CALR3: variants seen among roughly 807,000 people sequenced by gnomAD.
CALR3 encodes the protein calreticulin-3.
Under a neutral mutation model 48.7 loss-of-function variants are expected in CALR3, and 39 were observed. The ratio of observed to expected loss-of-function variants is 0.80; its 90% CI spans 0.62 to 1.05. The LOEUF (loss-of-function observed/expected upper bound fraction) is 1.05, where lower values mean the gene tolerates loss of function less well. Among genes scored for constraint, CALR3 ranks in the 50% least tolerant of loss-of-function variants. The pLI is 0.00. For missense variants in CALR3, 449 were observed against 474.7 expected (o/e 0.95, Z 0.50); for synonymous variants, 185 against 172.7 (o/e 1.07, Z -0.56).
intron 2 of CALR3, among the ~76,000 whole-genome samples, chr19:16,492,396 C>T (rs780388089): frequency 3.3e-5 from 5 of 152,066 alleles, no homozygotes; most frequent in Admixed American, 1.3e-4. Flanking sequence ...ATGGAGGAGC[C>T]ATTGCACCCC....
intron 2 of CALR3, among the ~76,000 whole-genome samples, chr19:16,492,817 G>A (rs553003161): frequency 7.4e-5 from 11 of 149,464 alleles, no homozygotes; most frequent in Non-Finnish European, 3.0e-5. Context: ...AGCCGAGATC[G>A]CGCCACTGCA....
Position 16,485,252 on chromosome 19 carries a change from C to T in CALR3, c.403G>A (p.Asp135Asn), listed in dbSNP as rs143932873. The change falls in exon 4 of 9, where the codon GAT (aspartate) becomes AAT (asparagine). Residue 135 changes from aspartate to asparagine, a missense_variant. By Grantham distance (23) the Asp-to-Asn change is conservative. Coordinates refer to ENST00000269881, the MANE Select transcript of CALR3 (RefSeq NM_145046.5). ...TTCTTGATATCAAATCCACAAATAT[C>T]GGGTCCTACAAAAAAGATTAGCTGC... The part of the protein sequence containing the change: ...KSQYYIMFGP[D>N]ICGFDIKKVH... The T allele has an allele frequency of 2.5e-4, 407 of 1,598,358 alleles. No individual in the cohort carries two copies. The highest frequency in any genetic ancestry group is 3.4e-4 in the Non-Finnish European group (391 of 1,166,436).
rs563932979 is a variant in CALR3, at chr19:16,482,978, C to T, written c.679-193G>A. 4.6e-5 allele frequency among the ~76,000 whole-genome samples: 7 copies of T among 151,878 alleles called. No individual in the cohort carries two copies. In the East Asian group the frequency reaches 1.2e-3, roughly 25 times the overall value. On this transcript the variant is annotated intron_variant, in intron 5 of 8. Transcript: ENST00000269881. Reference sequence around the variant, plus strand: ...TCCTGCCTCAGCCTCCCAAGTAGCTCGGACTACAGGCGCCCGCCATCATAC... The same window carrying T: ...TCCTGCCTCAGCCTCCCAAGTAGCTTGGACTACAGGCGCCCGCCATCATAC...
chr19:16,484,891 G>A (rs2093386847), intron 4 of CALR3, among the ~76,000 whole-genome samples: 1 of 152,108 alleles, frequency 6.6e-6, no homozygotes, highest in African/African-American at 2.4e-5. Flanking sequence ...AAATGTGACT[G>A]TACTATTGTA....
At chr19:16,486,552 G>A (rs952471746) in intron 3 of CALR3, among the ~76,000 whole-genome samples, 4 of 151,154 alleles carry the variant, frequency 2.6e-5, no homozygotes, top group African/African-American at 9.7e-5. Flanking sequence ...CCTGGGAGGC[G>A]GAGGTTGCAA....
rs200779567 is a variant in CALR3 at position 16,496,010 on chromosome 19, C to T, written c.91+29G>A. The stretch of plus-strand genomic sequence containing the variant: ...GGGGCGGAGATGGGGGAGCTTACAC[C>T]TCCGCCACCACGGGCGTGGCCCCTT... On this transcript the variant is annotated intron_variant, in intron 1 of 8. Coordinates refer to ENST00000269881, the MANE Select transcript of CALR3 (RefSeq NM_145046.5). 4,990 of 1,576,548 alleles carry T rather than the reference C, an allele frequency of 3.2e-3. 7 individuals are homozygous for T. The highest frequency in any genetic ancestry group is 4.0e-3 in the Non-Finnish European group (4,585 of 1,160,008).
intron 2 of CALR3, 43 bp from the exon 3 acceptor site, chr19:16,490,613 C>A: frequency 6.6e-7 from 1 of 1,525,858 alleles, no homozygotes; most frequent in Non-Finnish European, 9.1e-7. Flanking sequence ...AATGACGCTG[C>A]GCTAAGTAAC....
At chr19:16,481,987 A>G (rs1297489407) in intron 7 of CALR3, among the ~76,000 whole-genome samples, 1 of 145,296 alleles carries the variant, frequency 6.9e-6, no homozygotes, top group Non-Finnish European at 1.5e-5. Context: ...GCTCACTGCA[A>G]GCTCTGCCTC....
intron 3 of CALR3, 31 bp from the exon 4 acceptor site, chr19:16,485,288 T>C: frequency 7.2e-7 from 1 of 1,393,636 alleles, no homozygotes; most frequent in Non-Finnish European, 1.0e-6. Context: ...TCTCAATTTC[T>C]TTCCATAATG....
At chr19:16,480,805 T>A in intron 7 of CALR3, 99 bp from the exon 8 acceptor site, 1 of 957,180 alleles carries the variant, frequency 1.0e-6, no homozygotes, top group Non-Finnish European at 1.6e-6. Context: ...GAAGCTCAGG[T>A]GACATTTTTT....
chr19:16,493,670 C>T (rs2093401361), intron 2 of CALR3, among the ~76,000 whole-genome samples: 2 of 151,168 alleles, frequency 1.3e-5, no homozygotes, highest in East Asian at 3.9e-4. Flanking sequence ...CTGCCTCAAT[C>T]TCTCAAGTAG....
intron 2 of CALR3, among the ~76,000 whole-genome samples, chr19:16,494,006 T>A (rs1404351153): frequency 6.6e-6 from 1 of 152,158 alleles, no homozygotes; most frequent in Non-Finnish European, 1.5e-5. Flanking sequence ...AAAAGCTCAT[T>A]GTGTTGTACC....
chr19:16,491,351 T>C (rs1252122312), intron 2 of CALR3, among the ~76,000 whole-genome samples: 1 of 147,606 alleles, frequency 6.8e-6, no homozygotes, highest in Non-Finnish European at 1.5e-5. Context: ...CTCGATCCCC[T>C]GACCTCATGA....
chr19:16,486,511 T>C (rs1288678588), intron 3 of CALR3, among the ~76,000 whole-genome samples: 1 of 148,340 alleles, frequency 6.7e-6, no homozygotes, highest in Non-Finnish European at 1.5e-5. Context: ...TCCCAGCTAT[T>C]GGGGAGGCTG....
In CALR3 at chr19:16,480,001, G is replaced by C. The variant is rs564250460; in HGVS notation, c.1011+613C>G. ...AGGCAGATCATGAGGTCAAGAGAGC[G>C]AGACCATCCTGGCCAATATGGTGAA... is the stretch of plus-strand genomic sequence containing the variant. On this transcript the variant is annotated intron_variant, in intron 8 of 8. Coordinates refer to ENST00000269881, the MANE Select transcript of CALR3 (RefSeq NM_145046.5). Among the ~76,000 whole-genome samples the C allele has an allele frequency of 2.0e-5, 3 of 149,924 alleles. No homozygotes were observed. The East Asian group carries it at 6.1e-4, about 30-fold the overall frequency.
rs1599718255 is a variant in CALR3 at position 16,484,051 on chromosome 19, A to G, written c.557T>C (p.Ile186Thr). The G allele has an allele frequency of 6.2e-7, 1 of 1,613,844 alleles. No individual in the cohort carries two copies. Among genetic ancestry groups the G allele is most frequent in the Non-Finnish European group, 8.5e-7 (1 of 1,180,012 alleles). The change falls in exon 5 of 9, where the codon ATT becomes ACT. Residue 186 changes from isoleucine to threonine, a missense_variant. Ile to Thr is a moderately conservative substitution (Grantham distance 89). Coordinates refer to ENST00000269881, the MANE Select transcript of CALR3 (RefSeq NM_145046.5). ...GCCGGATTCAATTGACTGACCATCAATTTTCACATCATAAGAAAGATCTGG... is the reference window on the plus strand; with the variant it reads ...GCCGGATTCAATTGACTGACCATCAGTTTTCACATCATAAGAAAGATCTGG... ...LRPDLSYDVK[I>T]DGQSIESGSI...
At position 16,482,568 on chromosome 19, in the gene CALR3, G is replaced by T. The variant is rs750420703; in HGVS notation, c.800C>A (p.Pro267Gln). The part of the protein sequence containing the change: ...QKPPYQDGLK[P>Q]EGIHKDVWLH... Reference sequence around the variant, plus strand: ...CCAGACGTCTTTATGAATACCTTCTGGTTTCAGGCCATCCTGTATCAAAAA... The same window carrying T: ...CCAGACGTCTTTATGAATACCTTCTTGTTTCAGGCCATCCTGTATCAAAAA... The change falls in exon 7 of 9, where the codon CCA becomes CAA. Residue 267 changes from proline (P) to glutamine (Q), a missense_variant. Physicochemically the swap from Pro to Gln is moderately conservative, Grantham distance 76 (BLOSUM62 -1). Transcript: ENST00000269881. 2 of 1,614,056 alleles carry T rather than the reference G, an allele frequency of 1.2e-6. No individual in the cohort carries two copies. The highest frequency in any genetic ancestry group is 1.7e-6 in the Non-Finnish European group (2 of 1,180,050).
At chr19:16,495,436 G>A (rs576343853) in intron 2 of CALR3, among the ~76,000 whole-genome samples, 1 of 151,500 alleles carries the variant, frequency 6.6e-6, no homozygotes, top group Non-Finnish European at 1.5e-5. Context: ...GCGCGCGCCT[G>A]TAGTCTCAGC....
chr19:16,489,817 GAAACAAAAACAAAAACAAAAACAA>G (rs148825407), intron 3 of CALR3, among the ~76,000 whole-genome samples: 66 of 149,390 alleles, frequency 4.4e-4, no homozygotes, highest in African/African-American at 9.9e-4. Context: ...ACTCGGGCTC[GAAACAAAAACAAAAACAAAAACAA>G]AAACAAAAAC....
Sources: allele counts gnomAD v4.1 joint callset (sites outside exome capture counted in the v4.1 genomes callset), GRCh38; gene constraint gnomAD v4.1.1; transcripts MANE v1.5; gene names NCBI Gene and HGNC (gene_info 2026-07-23, HGNC 2026-07-21).